The following CACNG5 variants were observed in gnomAD, a reference collection of about 807,000 sequenced individuals.
CACNG5 encodes the protein voltage-dependent calcium channel gamma-5 subunit.
Under a neutral mutation model 24.8 loss-of-function variants are expected in CACNG5, and 18 were observed. That is an observed-to-expected ratio of 0.73 (90% CI 0.50 to 1.08). CACNG5 has a LOEUF of 1.08. Among genes scored for constraint, CACNG5 ranks in the 50% least tolerant of loss-of-function variants. The probability of loss-of-function intolerance (pLI) is 0.00; values close to 1 mark genes in which losing one functional copy is unlikely to be tolerated. For missense variants in CACNG5, 349 were observed against 367.9 expected (o/e 0.95, Z 0.42); for synonymous variants, 157 against 149.1 (o/e 1.05, Z -0.39).
chr17:66,882,690 G>A (rs970548878), intron 4 of CACNG5, among the ~76,000 whole-genome samples: 1 of 152,100 alleles, frequency 6.6e-6, no homozygotes, highest in Non-Finnish European at 1.5e-5. Flanking sequence ...ATCCTGGGGA[G>A]AAGATGCTTG....
Position 66,883,296 on chromosome 17 carries a change from A to G in CACNG5, c.425-1220A>G, listed in dbSNP as rs546577081. Among the ~76,000 whole-genome samples the G allele has an allele frequency of 5.9e-5, 9 of 152,330 alleles. No homozygotes were observed. In the South Asian group the frequency reaches 1.9e-3, roughly 32 times the overall value. On this transcript the variant is annotated intron_variant, in intron 4 of 5. Transcript: ENST00000533854. Reference sequence around the variant, plus strand: ...ACGTGAGGTTTTTCAGCAGTGGGCTACCAGATCAGAAATCTAGGATTGAGA... The same window carrying G: ...ACGTGAGGTTTTTCAGCAGTGGGCTGCCAGATCAGAAATCTAGGATTGAGA...
rs1430153515 is a variant in CACNG5, at chr17:66,889,142, G to A, written c.*3902G>A. Among the ~76,000 whole-genome samples, 1 of 152,154 alleles carries A rather than the reference G, an allele frequency of 6.6e-6. No homozygotes were observed. The highest frequency in any genetic ancestry group is 1.5e-5 in the Non-Finnish European group (1 of 68,018). On this transcript the variant is annotated 3_prime_UTR_variant, in exon 6 of 6. Transcript: ENST00000533854. ...TGCCCAGCTAATTTTTTAATTTTTA[G>A]TAGAGATGGGGTTTCCCCATGTTGG...
chr17:66,852,544 A>T (rs1204459859), intron 1 of CACNG5, among the ~76,000 whole-genome samples: 1 of 152,204 alleles, frequency 6.6e-6, no homozygotes, highest in East Asian at 1.9e-4. Flanking sequence ...TTGCTGTTTT[A>T]TGCAAACTTA....
At position 66,888,543 on chromosome 17, in the gene CACNG5, CAAAAAAAAAAA is replaced by C. The variant is rs770809783; in HGVS notation, c.*3316_*3326del. Among the ~76,000 whole-genome samples, 462 of 62,672 alleles carry C rather than the reference CAAAAAAAAAAA, an allele frequency of 7.4e-3. 5 individuals carry two copies. Among genetic ancestry groups the C allele is most frequent in the African/African-American group, 0.024 (425 of 18,036 alleles). 41.1% of individuals were successfully genotyped at this position (62,672 alleles called of 152,430 possible). On this transcript the variant is annotated 3_prime_UTR_variant, in exon 6 of 6. Transcript: ENST00000533854. ...TGGGTGACAGAGCGAGACTCCGTCT[CAAAAAAAAAAA>C]AAAAAAAAAAAAGAGTTAAAGAAAG...
chr17:66,884,860 C>T, intron 5 of CACNG5, 123 bp from the exon 6 acceptor site: 1 of 1,613,392 alleles, frequency 6.2e-7, no homozygotes. Context: ...GTCCCCAGGA[C>T]CCTGCTCCTG....
At position 66,873,743 on chromosome 17, in the gene CACNG5, G is replaced by T. The variant is rs116639450; in HGVS notation, c.-103-3487G>T. 7.1e-3 allele frequency among the ~76,000 whole-genome samples: 1,077 copies of T among 152,212 alleles called. 13 individuals carry two copies. Among genetic ancestry groups the T allele is most frequent in the African/African-American group, 0.025 (1,031 of 41,534 alleles). ...CAATTTTGTGGAGTGAGCAAGGCAG[G>T]TCTTCCTATTCTTCCTGGCAGGCAG... On this transcript the variant is annotated intron_variant, in intron 1 of 5. Transcript: ENST00000533854.
In CACNG5 at chr17:66,892,966, C is replaced by T. The variant is rs1977365033; in HGVS notation, c.*7726C>T. On this transcript the variant is annotated 3_prime_UTR_variant, in exon 6 of 6. Coordinates refer to ENST00000533854, the MANE Select transcript of CACNG5 (RefSeq NM_145811.3). The stretch of plus-strand genomic sequence containing the variant: ...GATACTACGACTTCAGCTTCAACCC[C>T]AGCAGGTCATCACCAACATCATGAC... Among the ~76,000 whole-genome samples, 2 of 152,226 alleles carry T rather than the reference C, an allele frequency of 1.3e-5. No homozygotes were observed. Among genetic ancestry groups the T allele is most frequent in the African/African-American group, 4.8e-5 (2 of 41,452 alleles).
rs896171039 is a variant in CACNG5 at position 66,894,284 on chromosome 17, G to A, written c.*9044G>A. Reference sequence around the variant, plus strand: ...GGAGGATCCTGCACATCCTTCCTCAGTGGATCCTTAGAAACTCAATGGTGG... The same window carrying A: ...GGAGGATCCTGCACATCCTTCCTCAATGGATCCTTAGAAACTCAATGGTGG... On this transcript the variant is annotated 3_prime_UTR_variant, in exon 6 of 6. Coordinates refer to ENST00000533854, the MANE Select transcript of CACNG5 (RefSeq NM_145811.3). Among the ~76,000 whole-genome samples the A allele has an allele frequency of 1.4e-4, 21 of 152,154 alleles. No individual in the cohort carries two copies. The highest frequency in any genetic ancestry group is 4.6e-4 in the African/African-American group (19 of 41,436).
chr17:66,871,071 G>A (rs1002397525), intron 1 of CACNG5, among the ~76,000 whole-genome samples: 2 of 152,074 alleles, frequency 1.3e-5, no homozygotes, highest in African/African-American at 4.8e-5. Flanking sequence ...AGGAGACAGG[G>A]CCCCCGCCTC....
At position 66,890,337 on chromosome 17, in the gene CACNG5, G is replaced by A. The variant is rs1977325699; in HGVS notation, c.*5097G>A. On this transcript the variant is annotated 3_prime_UTR_variant, in exon 6 of 6. Coordinates refer to ENST00000533854, the MANE Select transcript of CACNG5 (RefSeq NM_145811.3). ...GCCAGTCAGAGCCCTCACCAGGGCT[G>A]CTTTTGCTCTTTGGGTTCCAGGCAT... 6.6e-6 allele frequency among the ~76,000 whole-genome samples: 1 copy of A among 152,204 alleles called. No homozygotes were observed. The highest frequency in any genetic ancestry group is 6.5e-5 in the Admixed American group (1 of 15,290).
At chr17:66,874,637 C>T (rs963229801) in intron 1 of CACNG5, among the ~76,000 whole-genome samples, 8 of 152,188 alleles carry the variant, frequency 5.3e-5, no homozygotes, top group Non-Finnish European at 8.8e-5. Context: ...TCCATGACCC[C>T]AGACACCTTC....
chr17:66,849,033 G>C (rs1467828758), intron 1 of CACNG5, among the ~76,000 whole-genome samples: 3 of 152,168 alleles, frequency 2.0e-5, no homozygotes, highest in Non-Finnish European at 4.4e-5. Flanking sequence ...GTCAGCCCTA[G>C]AGCCGGGAGG....
In CACNG5 at chr17:66,886,064, C is replaced by T. The variant is rs1469886792; in HGVS notation, c.*824C>T. ...ATTCTGACAATGAGAATTTTAGAATCGGGCTGGTCTGAGTTCCTATTACCA... is the reference window on the plus strand; with the variant it reads ...ATTCTGACAATGAGAATTTTAGAATTGGGCTGGTCTGAGTTCCTATTACCA... On this transcript the variant is annotated 3_prime_UTR_variant, in exon 6 of 6. Transcript: ENST00000533854. Among the ~76,000 whole-genome samples, 1 of 152,204 alleles carries T rather than the reference C, an allele frequency of 6.6e-6. No individual in the cohort carries two copies. The highest frequency in any genetic ancestry group is 1.5e-5 in the Non-Finnish European group (1 of 68,032).
In CACNG5 at chr17:66,891,004, T is replaced by C. The variant is rs1018507523; in HGVS notation, c.*5764T>C. Among the ~76,000 whole-genome samples, 1 of 152,198 alleles carries C rather than the reference T, an allele frequency of 6.6e-6. No individual in the cohort carries two copies. The highest frequency in any genetic ancestry group is 2.4e-5 in the African/African-American group (1 of 41,442). On this transcript the variant is annotated 3_prime_UTR_variant, in exon 6 of 6. Transcript: ENST00000533854. ...ATAATGGAGTGCACATGGCTGGCAG[T>C]AGCAGTGGGGAGACAGTTGGAGGAA...
rs1277659460 is a variant in CACNG5 at position 66,877,455 on chromosome 17, T to C, written c.123T>C (p.Ile41=). 6.2e-7 allele frequency: 1 copy of C among 1,613,974 alleles called. No homozygotes were observed. Among genetic ancestry groups the C allele is most frequent in the Admixed American group, 1.7e-5 (1 of 60,000 alleles). ...GGCTGTACCTGGAGGAGGGTGTGAT[T>C]GTGCCCCAGAACCAGAGCACCGAGA... ...DYWLYLEEGV[I]VPQNQSTEIK... is the part of the protein sequence containing the mutation. The change falls in exon 2 of 6, where the codon ATT becomes ATC. Residue 41 remains isoleucine, a synonymous_variant. Coordinates refer to ENST00000533854, the MANE Select transcript of CACNG5 (RefSeq NM_145811.3).
rs1977092054 is a variant in CACNG5 at position 66,877,238 on chromosome 17, G to A, written c.-95G>A. ...CATCTTCGTCTTCTCAGAGCCGTGG[G>A]TACTGCCACCTGCTCACCCACTCTC... On this transcript the variant is annotated 5_prime_UTR_variant, in exon 2 of 6. Transcript: ENST00000533854. 1 of 1,030,550 alleles carries A rather than the reference G, an allele frequency of 9.7e-7. No homozygotes were observed. The allele number at this position is 1,030,550 out of a possible 1,614,324, so 63.8% of individuals were successfully genotyped here. A position where few individuals can be genotyped will look rare whatever the true frequency, so the allele number is the denominator to read the frequency against.
At chr17:66,860,690 T>G (rs1034579536) in intron 1 of CACNG5, among the ~76,000 whole-genome samples, 1 of 151,152 alleles carries the variant, frequency 6.6e-6, no homozygotes. Context: ...ACATCAGACA[T>G]TAATTTGAAT....
Position 66,877,458 on chromosome 17 carries a change from G to GC in CACNG5, c.130dup (p.Gln44ProfsTer24), listed in dbSNP as rs1485052225. The GC allele has an allele frequency of 6.2e-7, 1 of 1,614,000 alleles. No homozygotes were observed. The highest frequency in any genetic ancestry group is 1.7e-5 in the Admixed American group (1 of 60,008). On this transcript the variant is annotated frameshift_variant, in exon 2 of 6. Coordinates refer to ENST00000533854, the MANE Select transcript of CACNG5 (RefSeq NM_145811.3). LOFTEE classifies it high-confidence loss of function. ...TGTACCTGGAGGAGGGTGTGATTGT[G>GC]CCCCAGAACCAGAGCACCGAGATCA...
intron 1 of CACNG5, among the ~76,000 whole-genome samples, chr17:66,837,130 C>T (rs1439821222): frequency 6.6e-6 from 1 of 152,212 alleles, no homozygotes; most frequent in Non-Finnish European, 1.5e-5. Context: ...GAATGAATGA[C>T]AGTGTCCATT....
Sources: allele counts gnomAD v4.1 joint callset (sites outside exome capture counted in the v4.1 genomes callset), GRCh38; gene constraint gnomAD v4.1.1; transcripts MANE v1.5; gene names NCBI Gene and HGNC (gene_info 2026-07-23, HGNC 2026-07-21).